HMGN3: variants seen among roughly 807,000 people sequenced by gnomAD.
The protein encoded by HMGN3 is high mobility group nucleosome-binding domain-containing protein 3.
In HMGN3, 6 loss-of-function variants were observed where a neutral mutation model predicts 18.8. That is an observed-to-expected ratio of 0.32 (90% CI 0.18 to 0.63). The LOEUF (loss-of-function observed/expected upper bound fraction) is 0.63, where lower values mean the gene tolerates loss of function less well. Ranked by LOEUF, HMGN3 falls within the 30% of genes least tolerant of loss-of-function variation. The pLI, the probability that HMGN3 is intolerant of heterozygous loss-of-function variation, is 0.79. For missense variants in HMGN3, 107 were observed against 114.2 expected, an observed-to-expected ratio of 0.94 and a Z score of 0.29; for synonymous variants, 40 against 36.5, an observed-to-expected ratio of 1.10 and a Z score of -0.35.
chr6:79,228,267 A>G (rs888364996), intron 1 of HMGN3, among the ~76,000 whole-genome samples: 6 of 152,188 alleles, frequency 3.9e-5, no homozygotes, highest in Admixed American at 6.5e-5. Context: ...ATTCAGGTTG[A>G]AAAAAACAGT....
intron 4 of HMGN3, among the ~76,000 whole-genome samples, chr6:79,202,598 G>A (rs1776202841): frequency 6.6e-6 from 1 of 152,158 alleles, no homozygotes; most frequent in Non-Finnish European, 1.5e-5. Flanking sequence ...GTAACAGGTT[G>A]CACAGAAAGT....
At chr6:79,230,782 T>C (rs1582452335) in intron 1 of HMGN3, among the ~76,000 whole-genome samples, 1 of 152,024 alleles carries the variant, frequency 6.6e-6, no homozygotes, top group Non-Finnish European at 1.5e-5. Flanking sequence ...TTGTTAACAG[T>C]TTTTTTTCCC....
chr6:79,224,088 C>T (rs1582438311), intron 1 of HMGN3, among the ~76,000 whole-genome samples: 1 of 152,166 alleles, frequency 6.6e-6, no homozygotes, highest in Non-Finnish European at 1.5e-5. Context: ...TCACCGCAAT[C>T]TTATGAGGTT....
intron 5 of HMGN3, 166 bp from the exon 7 acceptor site, chr6:79,201,892 A>C (rs896132705): frequency 2.0e-6 from 2 of 985,140 alleles, no homozygotes. Context: ...ACAAGGCAGG[A>C]ATATATTACA....
intron 1 of HMGN3, among the ~76,000 whole-genome samples, chr6:79,215,385 C>T (rs562452152): frequency 3.3e-5 from 5 of 152,232 alleles, no homozygotes; most frequent in Non-Finnish European, 4.4e-5. Context: ...GTTCCATTTG[C>T]TTGTTCCAGT....
intron 1 of HMGN3, among the ~76,000 whole-genome samples, chr6:79,225,281 G>T (rs1777513082): frequency 6.6e-6 from 1 of 152,110 alleles, no homozygotes; most frequent in Admixed American, 6.5e-5. Flanking sequence ...TCTCAGGGTA[G>T]ATTTTGTATT....
chr6:79,202,224 A>G (rs1252666900), intron 5 of HMGN3, 52 bp downstream of exon 5: 1 of 1,613,142 alleles, frequency 6.2e-7, no homozygotes, highest in South Asian at 1.1e-5. Context: ...AGGATTGAGA[A>G]ATTTCTTTAA....
intron 2 of HMGN3, among the ~76,000 whole-genome samples, chr6:79,214,750 GT>G (rs1259361007): frequency 1.3e-5 from 2 of 152,188 alleles, no homozygotes; most frequent in African/African-American, 2.4e-5. Flanking sequence ...AACACAGTAA[GT>G]GGAAAATGCC....
chr6:79,232,285 G>A (rs1454549010), intron 1 of HMGN3, among the ~76,000 whole-genome samples: 2 of 152,120 alleles, frequency 1.3e-5, no homozygotes, highest in South Asian at 2.1e-4. Context: ...AAGTTCCAGT[G>A]AACTTCAGGA....
At position 79,208,584 on chromosome 6, in the gene HMGN3, G is replaced by C; in HGVS notation, c.67-8C>G. ...GGCAGACCGTCTTGTGGGCTACAAAGGGAATGGGAAAATATACATATTTTT... is the reference window on the plus strand; with the variant it reads ...GGCAGACCGTCTTGTGGGCTACAAACGGAATGGGAAAATATACATATTTTT... On this transcript the variant is annotated splice_region_variant and splice_polypyrimidine_tract_variant and intron_variant, in intron 2 of 5. Transcript: ENST00000344726. 1 of 1,607,446 alleles carries C rather than the reference G, an allele frequency of 6.2e-7. No individual in the cohort carries two copies. The highest frequency in any genetic ancestry group is 8.5e-7 in the Non-Finnish European group (1 of 1,173,880).
chr6:79,208,701 C>T (rs1776540047), intron 2 of HMGN3, 125 bp from the exon 3 acceptor site: 1 of 792,364 alleles, frequency 1.3e-6, no homozygotes, highest in Non-Finnish European at 2.2e-6. Context: ...TTCCCATCAC[C>T]TTCTCCAGGT....
At chr6:79,207,927 A>T (rs1234305329) in intron 3 of HMGN3, among the ~76,000 whole-genome samples, 1 of 152,232 alleles carries the variant, frequency 6.6e-6, no homozygotes, top group East Asian at 1.9e-4. Flanking sequence ...CTCTCAGGAG[A>T]GCAGCAAAAG....
chr6:79,224,110 A>G (rs1777444123), intron 1 of HMGN3, among the ~76,000 whole-genome samples: 1 of 152,176 alleles, frequency 6.6e-6, no homozygotes, highest in Non-Finnish European at 1.5e-5. Context: ...GTAAAACATG[A>G]TTATATCCAT....
At chr6:79,223,726 T>C (rs1308211648) in intron 1 of HMGN3, among the ~76,000 whole-genome samples, 1 of 125,102 alleles carries the variant, frequency 8.0e-6, no homozygotes, top group African/African-American at 2.6e-5. Flanking sequence ...GCTGTCCCTT[T>C]CACTAGAGTT....
chr6:79,227,823 T>G (rs1159875310), intron 1 of HMGN3, among the ~76,000 whole-genome samples: 1 of 152,168 alleles, frequency 6.6e-6, no homozygotes, highest in Non-Finnish European at 1.5e-5. Flanking sequence ...CTCCCTTCCT[T>G]TGAAAACAAT....
chr6:79,225,164 T>C (rs1332224242), intron 1 of HMGN3, among the ~76,000 whole-genome samples: 6 of 152,188 alleles, frequency 3.9e-5, no homozygotes, highest in Non-Finnish European at 8.8e-5. Flanking sequence ...TTCTACAATA[T>C]AGAACTTAAC....
chr6:79,211,084 T>C (rs1026430736), intron 2 of HMGN3, among the ~76,000 whole-genome samples: 5 of 150,414 alleles, frequency 3.3e-5, no homozygotes, highest in Admixed American at 6.6e-5. Flanking sequence ...TCTTCTATTA[T>C]AAAATCATTT....
intron 1 of HMGN3, among the ~76,000 whole-genome samples, chr6:79,222,773 C>G (rs545392666): frequency 1.3e-5 from 2 of 152,308 alleles, no homozygotes; most frequent in East Asian, 1.9e-4. Context: ...CTTGGCTTAT[C>G]AATTCCAACA....
At chr6:79,220,432 T>A (rs1777215635) in intron 1 of HMGN3, among the ~76,000 whole-genome samples, 1 of 152,182 alleles carries the variant, frequency 6.6e-6, no homozygotes, top group Non-Finnish European at 1.5e-5. Context: ...TGTACAGGAC[T>A]ACACTTCTAC....
Sources: allele counts gnomAD v4.1 joint callset (sites outside exome capture counted in the v4.1 genomes callset), GRCh38; gene constraint gnomAD v4.1.1; transcripts MANE v1.5; gene names NCBI Gene and HGNC (gene_info 2026-07-23, HGNC 2026-07-21).